Variants in STXBP6 observed in about 807,000 individuals in gnomAD.
STXBP6 encodes the protein syntaxin binding protein 6, also known as syntaxin-binding protein 6.
Under a neutral mutation model 26.9 loss-of-function variants are expected in STXBP6, and 21 were observed. That is an observed-to-expected ratio of 0.78 (90% CI 0.55 to 1.12). The LOEUF (loss-of-function observed/expected upper bound fraction) is 1.12, where lower values mean the gene tolerates loss of function less well. STXBP6 is among the 50% of genes most tolerant of loss of function. STXBP6 has a pLI of 0.00. For missense variants in STXBP6, 232 were observed against 257.9 expected, an observed-to-expected ratio of 0.90 and a Z score of 0.69; for synonymous variants, 97 against 92.6, an observed-to-expected ratio of 1.05 and a Z score of -0.27.
At chr14:24,884,765 T>A (rs906869792) in intron 2 of STXBP6, among the ~76,000 whole-genome samples, 1 of 107,792 alleles carries the variant, frequency 9.3e-6, no homozygotes, top group Non-Finnish European at 2.0e-5. Flanking sequence ...ACCCTATTAA[T>A]AATTTATTAT....
intron 2 of STXBP6, among the ~76,000 whole-genome samples, chr14:24,885,995 G>A (rs914063364): frequency 3.9e-5 from 6 of 152,086 alleles, no homozygotes; most frequent in African/African-American, 1.4e-4. Context: ...ACTTATCCAG[G>A]GTAAACATGC....
At chr14:24,963,097 A>G (rs1429977001) in intron 2 of STXBP6, among the ~76,000 whole-genome samples, 1 of 152,192 alleles carries the variant, frequency 6.6e-6, no homozygotes, top group African/African-American at 2.4e-5. Context: ...TGATTTTCCC[A>G]TTGTTTTTTT....
At chr14:24,901,923 T>C (rs2071227833) in intron 2 of STXBP6, among the ~76,000 whole-genome samples, 1 of 152,178 alleles carries the variant, frequency 6.6e-6, no homozygotes, top group Non-Finnish European at 1.5e-5. Flanking sequence ...TGTTTTGATC[T>C]GGATGGTGTT....
At chr14:24,937,617 CATAT>C (rs111815475) in intron 2 of STXBP6, among the ~76,000 whole-genome samples, 1 of 151,816 alleles carries the variant, frequency 6.6e-6, no homozygotes, top group Non-Finnish European at 1.5e-5. Context: ...ATGTAAAACA[CATAT>C]ATATATATGT....
chr14:24,858,586 A>C (rs190745234), intron 2 of STXBP6, among the ~76,000 whole-genome samples: 40 of 152,268 alleles, frequency 2.6e-4, no homozygotes, highest in African/African-American at 9.1e-4. Context: ...AATCAGATGA[A>C]ATTTTATAGT....
At position 24,945,139 on chromosome 14, in the gene STXBP6, A is replaced by ATTTTTTTTTTTTTTT. The variant is rs552562019; in HGVS notation, c.154+29511_154+29525dup. On this transcript the variant is annotated intron_variant, in intron 2 of 5. Coordinates refer to ENST00000323944, the MANE Select transcript of STXBP6 (RefSeq NM_001394410.1). Reference sequence around the variant, plus strand: ...TGGCATGTATATGAACCAATTAGGAATTTTTTTTTTTTTTTTTTTTTTTTT... The same window carrying ATTTTTTTTTTTTTTT: ...TGGCATGTATATGAACCAATTAGGAATTTTTTTTTTTTTTTTTTTTTTTTTTTTTTTTTTTTTTTT... Among the ~76,000 whole-genome samples the ATTTTTTTTTTTTTTT allele has an allele frequency of 1.6e-3, 166 of 100,706 alleles. 48 individuals carry two copies. The highest frequency in any genetic ancestry group is 2.7e-3 in the East Asian group (8 of 3,002). 66.1% of individuals were successfully genotyped at this position (100,706 alleles called of 152,430 possible). A position where few individuals can be genotyped will look rare whatever the true frequency, so the allele number is the denominator to read the frequency against.
At chr14:24,912,145 A>C (rs1327571663) in intron 2 of STXBP6, among the ~76,000 whole-genome samples, 1 of 152,172 alleles carries the variant, frequency 6.6e-6, no homozygotes, top group South Asian at 2.1e-4. Flanking sequence ...CTATTTTTCT[A>C]TGTACCCAAT....
intron 1 of STXBP6, among the ~76,000 whole-genome samples, chr14:24,992,869 G>A (rs1234783237): frequency 2.0e-5 from 3 of 152,122 alleles, no homozygotes; most frequent in African/African-American, 7.2e-5. Flanking sequence ...AAACAACACT[G>A]AACAGTCAAC....
At chr14:24,974,051 C>A (rs1048385662) in intron 2 of STXBP6, among the ~76,000 whole-genome samples, 1 of 151,556 alleles carries the variant, frequency 6.6e-6, no homozygotes. Context: ...AATCTTAATA[C>A]GAATCCATTG....
At chr14:24,867,660 A>G (rs1199546735) in intron 2 of STXBP6, among the ~76,000 whole-genome samples, 6 of 152,216 alleles carry the variant, frequency 3.9e-5, no homozygotes, top group Non-Finnish European at 8.8e-5. Context: ...ATACACAAAA[A>G]AAATAAATCG....
chr14:24,974,842 G>T lies in STXBP6; in HGVS notation c.-24C>A. ...ATTGTAGAACAAGTGAGGACAGCAC[G>T]CAGTGAATCTTTTAAAGAAGGAAAA... On this transcript the variant is annotated 5_prime_UTR_variant, in exon 2 of 6. Transcript: ENST00000323944. 6.5e-7 allele frequency: 1 copy of T among 1,538,370 alleles called. No individual in the cohort carries two copies. The highest frequency in any genetic ancestry group is 1.4e-5 in the African/African-American group (1 of 73,004).
chr14:24,930,092 A>G (rs1308234153), intron 2 of STXBP6, among the ~76,000 whole-genome samples: 10 of 152,224 alleles, frequency 6.6e-5, no homozygotes, highest in Admixed American at 6.5e-4. Context: ...AAGACTTGCT[A>G]TGCTTCTGTT....
At chr14:24,819,978 T>C (rs995988025) in intron 4 of STXBP6, among the ~76,000 whole-genome samples, 3 of 152,154 alleles carry the variant, frequency 2.0e-5, no homozygotes, top group African/African-American at 7.2e-5. Flanking sequence ...ACCAAGAAGG[T>C]TGAAAGCCAT....
At chr14:25,008,860 G>A (rs2074965603) in intron 1 of STXBP6, among the ~76,000 whole-genome samples, 1 of 152,182 alleles carries the variant, frequency 6.6e-6, no homozygotes, top group South Asian at 2.1e-4. Context: ...GAATGGCTAA[G>A]CTTTTAAATC....
At position 24,875,636 on chromosome 14, in the gene STXBP6, T is replaced by C. The variant is rs533414629; in HGVS notation, c.155-18479A>G. ...TCCTAAATTCCCCTGGAGGGAATCA[T>C]AGCCGAATATGAGACATTTATGTAA... On this transcript the variant is annotated intron_variant, in intron 2 of 5. Transcript: ENST00000323944. 1.5e-3 allele frequency among the ~76,000 whole-genome samples: 230 copies of C among 152,352 alleles called. 1 individual carries two copies. Among genetic ancestry groups the C allele is most frequent in the Middle Eastern group, 0.01 (3 of 294 alleles).
At chr14:25,033,793 T>C (rs1011105278) in intron 1 of STXBP6, among the ~76,000 whole-genome samples, 1 of 152,208 alleles carries the variant, frequency 6.6e-6, no homozygotes, top group Non-Finnish European at 1.5e-5. Context: ...TTTAAAAACA[T>C]TCTATAAAAG....
intron 2 of STXBP6, among the ~76,000 whole-genome samples, chr14:24,941,009 T>C (rs2072783931): frequency 6.6e-6 from 1 of 152,102 alleles, no homozygotes. Context: ...AGCAAGACTC[T>C]ATCTTGGAAA....
intron 1 of STXBP6, among the ~76,000 whole-genome samples, chr14:25,017,020 A>G (rs998908598): frequency 6.6e-6 from 1 of 152,188 alleles, no homozygotes; most frequent in African/African-American, 2.4e-5. Flanking sequence ...AATTACTACA[A>G]ATAGTCCAGT....
chr14:24,836,610 A>AAG (rs906392784), intron 4 of STXBP6, among the ~76,000 whole-genome samples: 1 of 150,042 alleles, frequency 6.7e-6, no homozygotes, highest in Non-Finnish European at 1.5e-5. Context: ...CCCTCTCAAA[A>AAG]AAAAAAAAAA....
Sources: allele counts gnomAD v4.1 joint callset (sites outside exome capture counted in the v4.1 genomes callset), GRCh38; gene constraint gnomAD v4.1.1; transcripts MANE v1.5; gene names NCBI Gene and HGNC (gene_info 2026-07-23, HGNC 2026-07-21).